PCTP: variants seen among roughly 807,000 people sequenced by gnomAD.
The protein encoded by PCTP is phosphatidylcholine transfer protein.
PCTP carries 27 observed loss-of-function variants against 31.0 expected under a neutral mutation model. The ratio of observed to expected loss-of-function variants is 0.87; its 90% CI spans 0.64 to 1.20. The LOEUF (loss-of-function observed/expected upper bound fraction) is 1.20, where lower values mean the gene tolerates loss of function less well. Ranked by LOEUF, PCTP falls within the 50% of genes most tolerant of loss-of-function variation. The probability of loss-of-function intolerance (pLI) is 0.00; values close to 1 mark genes in which losing one functional copy is unlikely to be tolerated. For missense variants in PCTP, 287 were observed against 268.2 expected (o/e 1.07, Z -0.49); for synonymous variants, 108 against 101.2 (o/e 1.07, Z -0.40).
Position 55,798,511 on chromosome 17 carries a change from G to A in PCTP, c.317+10857G>A, listed in dbSNP as rs150741230. Among the ~76,000 whole-genome samples the A allele has an allele frequency of 5.0e-3, 760 of 151,996 alleles. 8 individuals are homozygous for A. The highest frequency in any genetic ancestry group is 0.017 in the African/African-American group (705 of 41,540). On this transcript the variant is annotated intron_variant, in intron 3 of 3. Coordinates refer to the PCTP transcript ENST00000572536. Reference sequence around the variant, plus strand: ...GAAAAAAAGATATGTTAGCATTAACGAAAGAATCCTAAAAGTTACAGCTAA... The same window carrying A: ...GAAAAAAAGATATGTTAGCATTAACAAAAGAATCCTAAAAGTTACAGCTAA...
intron 3 of PCTP, among the ~76,000 whole-genome samples, chr17:55,813,706 A>G (rs1912825787): frequency 6.6e-6 from 1 of 152,228 alleles, no homozygotes; most frequent in Non-Finnish European, 1.5e-5. Flanking sequence ...AACTGTAATC[A>G]GACAATAGAG....
At chr17:55,831,377 G>T (rs1028504460) in intron 5 of PCTP, among the ~76,000 whole-genome samples, 2 of 152,154 alleles carry the variant, frequency 1.3e-5, no homozygotes, top group African/African-American at 2.4e-5. Context: ...GGTGCAAGAA[G>T]CAAGGCTGGA....
chr17:55,835,374 A>G (rs927469460), intron 5 of PCTP, among the ~76,000 whole-genome samples: 1 of 152,148 alleles, frequency 6.6e-6, no homozygotes, highest in Non-Finnish European at 1.5e-5. Flanking sequence ...CTGCAGTCCC[A>G]CTTTTCCTAG....
At chr17:55,822,018 T>G (rs1229294529) in intron 3 of PCTP, among the ~76,000 whole-genome samples, 1 of 152,182 alleles carries the variant, frequency 6.6e-6, no homozygotes, top group Non-Finnish European at 1.5e-5. Flanking sequence ...GTCACAGCTG[T>G]CATTCTGGAG....
chr17:55,834,339 A>C (rs1025092018), intron 5 of PCTP, among the ~76,000 whole-genome samples: 3 of 150,498 alleles, frequency 2.0e-5, no homozygotes, highest in Non-Finnish European at 4.4e-5. Context: ...ACTTTTCCTG[A>C]TGCTCTCCCT....
At chr17:55,828,880 G>C (rs561492992) in intron 5 of PCTP, among the ~76,000 whole-genome samples, 2 of 152,336 alleles carry the variant, frequency 1.3e-5, no homozygotes, top group South Asian at 4.1e-4. Flanking sequence ...AGCCAAGGGA[G>C]TGCCGGATAT....
Position 55,837,723 on chromosome 17 carries a change from C to T in PCTP, n.506-5004C>T, listed in dbSNP as rs184352873. Reference sequence around the variant, plus strand: ...CATCATATCTCTCCATGTCTGTAACCATCTTCTGACAGAGCCACCATCATC... The same window carrying T: ...CATCATATCTCTCCATGTCTGTAACTATCTTCTGACAGAGCCACCATCATC... On this transcript the variant is annotated intron_variant and non_coding_transcript_variant, in intron 5 of 5. Coordinates refer to the PCTP transcript ENST00000576221. 1.6e-3 allele frequency among the ~76,000 whole-genome samples: 245 copies of T among 152,120 alleles called. 1 individual carries two copies. The highest frequency in any genetic ancestry group is 5.4e-3 in the African/African-American group (225 of 41,502).
chr17:55,761,607 A>T (rs1910343434), intron 1 of PCTP, among the ~76,000 whole-genome samples: 1 of 148,086 alleles, frequency 6.8e-6, no homozygotes, highest in African/African-American at 2.5e-5. Context: ...CATTATATTT[A>T]TGTAGAATAA....
At chr17:55,809,973 C>T (rs1292937148) in intron 3 of PCTP, among the ~76,000 whole-genome samples, 1 of 152,112 alleles carries the variant, frequency 6.6e-6, no homozygotes, top group Non-Finnish European at 1.5e-5. Context: ...AATTTACCTT[C>T]TAGTTGGTAG....
At chr17:55,832,073 T>TCAAA (rs985127493) in intron 5 of PCTP, among the ~76,000 whole-genome samples, 6 of 152,020 alleles carry the variant, frequency 3.9e-5, no homozygotes, top group Non-Finnish European at 5.9e-5. Flanking sequence ...AGACTCCATC[T>TCAAA]CAAACAAACA....
At chr17:55,757,685 G>C (rs1008581518) in intron 1 of PCTP, among the ~76,000 whole-genome samples, 4 of 151,940 alleles carry the variant, frequency 2.6e-5, no homozygotes, top group African/African-American at 9.7e-5. Flanking sequence ...TCTTTTTTAT[G>C]CATTATATTT....
At position 55,777,141 on chromosome 17, in the gene PCTP, T is replaced by C; in HGVS notation, c.*1041T>C. ...CAAAAAGACTTTTAGTTTTCTATGC[T>C]TTCTCCTGAATTTTGGTAGGGTAAG... On this transcript the variant is annotated 3_prime_UTR_variant, in exon 6 of 6. Transcript: ENST00000268896. 1.0e-6 allele frequency: 1 copy of C among 985,872 alleles called. No homozygotes were observed. The allele number at this position is 985,872 out of a possible 1,614,324, so 61.1% of individuals were successfully genotyped here.
intron 3 of PCTP, among the ~76,000 whole-genome samples, chr17:55,797,961 A>G (rs1283178776): frequency 2.6e-5 from 4 of 152,036 alleles, no homozygotes; most frequent in East Asian, 1.9e-4. Context: ...ATAAGACACA[A>G]ACTTTTAAAA....
chr17:55,807,386 G>T (rs1050297782), intron 3 of PCTP, among the ~76,000 whole-genome samples: 1 of 152,072 alleles, frequency 6.6e-6, no homozygotes, highest in South Asian at 2.1e-4. Flanking sequence ...TTCACATGCG[G>T]CTTGGCAAGA....
At chr17:55,809,034 T>C (rs1258772814) in intron 3 of PCTP, among the ~76,000 whole-genome samples, 3 of 152,214 alleles carry the variant, frequency 2.0e-5, no homozygotes, top group African/African-American at 7.2e-5. Context: ...TCCTAAATCC[T>C]ACATCAGTAG....
At chr17:55,798,905 G>A (rs1912276284) in intron 3 of PCTP, among the ~76,000 whole-genome samples, 2 of 151,892 alleles carry the variant, frequency 1.3e-5, no homozygotes, top group African/African-American at 2.4e-5. Context: ...ATTAAAATAA[G>A]TGAAAACCCT....
intron 1 of PCTP, among the ~76,000 whole-genome samples, chr17:55,763,703 G>C (rs1910470502): frequency 1.3e-5 from 2 of 151,824 alleles, no homozygotes; most frequent in South Asian, 2.1e-4. Flanking sequence ...AGATATTTTT[G>C]GATTATGGGG....
chr17:55,809,222 CCTT>C (rs1355485677), intron 3 of PCTP, among the ~76,000 whole-genome samples: 2 of 152,152 alleles, frequency 1.3e-5, no homozygotes, highest in African/African-American at 4.8e-5. Flanking sequence ...CATTGTCTCT[CCTT>C]CTCTCAAACA....
chr17:55,751,805 C>T (rs1909732964), intron 1 of PCTP, among the ~76,000 whole-genome samples: 1 of 152,136 alleles, frequency 6.6e-6, no homozygotes, highest in South Asian at 2.1e-4. Context: ...AATCTTCAGG[C>T]AGGAGTAAAG....
Sources: allele counts gnomAD v4.1 joint callset (sites outside exome capture counted in the v4.1 genomes callset), GRCh38; gene constraint gnomAD v4.1.1; transcripts MANE v1.5; gene names NCBI Gene and HGNC (gene_info 2026-07-23, HGNC 2026-07-21).